Variants in IGF1R observed in about 807,000 individuals in gnomAD.
IGF1R encodes insulin like growth factor 1 receptor.
A neutral mutation model predicts 144.6 loss-of-function variants in IGF1R; 44 were observed. That is an observed-to-expected ratio of 0.30 (90% CI 0.24 to 0.39). The LOEUF (loss-of-function observed/expected upper bound fraction) is 0.39. IGF1R is among the 10% of genes least tolerant of loss of function. The probability of loss-of-function intolerance (pLI) is 1.00; values close to 1 mark genes in which losing one functional copy is unlikely to be tolerated. For synonymous variants in IGF1R, 795 were observed against 722.8 expected (o/e 1.10, Z -1.60); for missense variants, 1,355 against 1,833.7 (o/e 0.74, Z 4.77).
At chr15:98,906,721 G>A (rs887342500) in intron 5 of IGF1R, among the ~76,000 whole-genome samples, 2 of 152,258 alleles carry the variant, frequency 1.3e-5, no homozygotes, top group African/African-American at 2.4e-5. Context: ...CAGGATAGCT[G>A]TGTGTTCAGG....
rs374047790 is a variant in IGF1R at position 98,941,938 on chromosome 15, T to A, written c.3458-985T>A. ...TCAAAATCTGACAAAGCAGCAATAATTTAGGATTATAAAGCGAGCCTGCCA... is the reference window on the plus strand; with the variant it reads ...TCAAAATCTGACAAAGCAGCAATAAATTAGGATTATAAAGCGAGCCTGCCA... On this transcript the variant is annotated intron_variant, in intron 18 of 20. Coordinates refer to ENST00000650285, the MANE Select transcript of IGF1R (RefSeq NM_000875.5). 6.4e-4 allele frequency among the ~76,000 whole-genome samples: 97 copies of A among 152,260 alleles called. 1 individual carries two copies. The South Asian group carries it at 0.019, about 30-fold the overall frequency.
chr15:98,877,806 T>G (rs149540125), intron 2 of IGF1R, among the ~76,000 whole-genome samples: 24 of 152,348 alleles, frequency 1.6e-4, no homozygotes, highest in Admixed American at 3.3e-4. Context: ...TTATCACAGT[T>G]TCCTGGTAAA....
intron 5 of IGF1R, among the ~76,000 whole-genome samples, chr15:98,907,016 G>A (rs887281363): frequency 6.6e-6 from 1 of 152,196 alleles, no homozygotes. Context: ...ACTCCTTCTG[G>A]TCGTTCTTAA....
chr15:98,893,021 GA>G (rs1352811396), intron 3 of IGF1R, among the ~76,000 whole-genome samples: 1 of 152,140 alleles, frequency 6.6e-6, no homozygotes, highest in East Asian at 1.9e-4. Flanking sequence ...TCAAAAAAAA[GA>G]ACTTTTAGGA....
At chr15:98,873,346 T>C (rs1031491277) in intron 2 of IGF1R, among the ~76,000 whole-genome samples, 8 of 152,220 alleles carry the variant, frequency 5.3e-5, no homozygotes, top group Non-Finnish European at 2.9e-5. Flanking sequence ...AATAGATTTG[T>C]ATTTTTGATG....
In IGF1R at chr15:98,817,465, G is replaced by T. The variant is rs138185163; in HGVS notation, c.641-73860G>T. 7.4e-4 allele frequency among the ~76,000 whole-genome samples: 112 copies of T among 152,236 alleles called. 1 individual carries two copies. Among genetic ancestry groups the T allele is most frequent in the African/African-American group, 2.5e-3 (103 of 41,532 alleles). On this transcript the variant is annotated intron_variant, in intron 2 of 20. Transcript: ENST00000650285. ...ACAATGCAGGAGTGCTGGGTTGGGG[G>T]CCAGGTGTGGTTGAGGGGTGCTGTA...
At chr15:98,922,002 C>G in intron 10 of IGF1R, 146 bp from the exon 11 acceptor site, 1 of 776,086 alleles carries the variant, frequency 1.3e-6, no homozygotes, top group Non-Finnish European at 2.2e-6. Context: ...AAGGACATCC[C>G]TGTGTTATTC....
At chr15:98,686,438 G>A (rs2053330035) in intron 1 of IGF1R, among the ~76,000 whole-genome samples, 1 of 152,184 alleles carries the variant, frequency 6.6e-6, no homozygotes, top group African/African-American at 2.4e-5. Flanking sequence ...ACCCAGAAGT[G>A]GAATTGCTGG....
intron 1 of IGF1R, chr15:98,650,826 C>G (rs2052343607): frequency 2.4e-6 from 2 of 830,078 alleles, no homozygotes; most frequent in Non-Finnish European, 2.9e-6. Context: ...TAAGCAGTGT[C>G]GCTCCACATT....
At position 98,648,701 on chromosome 15, in the gene IGF1R, C is replaced by T. The variant is rs561346369; in HGVS notation, c.-881C>T. ...AGCGAGAGGGACGCCGCCAGCGAGCCTGCCCACGGCCGGCGCTCGCAGACC... is the reference window on the plus strand; with the variant it reads ...AGCGAGAGGGACGCCGCCAGCGAGCTTGCCCACGGCCGGCGCTCGCAGACC... On this transcript the variant is annotated 5_prime_UTR_variant, in exon 1 of 21. Coordinates refer to ENST00000650285, the MANE Select transcript of IGF1R (RefSeq NM_000875.5). Among the ~76,000 whole-genome samples, 31 of 147,386 alleles carry T rather than the reference C, an allele frequency of 2.1e-4. 1 individual carries two copies. The South Asian group carries it at 6.4e-3, about 31-fold the overall frequency.
intron 2 of IGF1R, among the ~76,000 whole-genome samples, chr15:98,833,303 G>A (rs2057034477): frequency 6.6e-6 from 1 of 152,212 alleles, no homozygotes. Context: ...TCAGTATTCT[G>A]TGGACTTTCC....
intron 1 of IGF1R, among the ~76,000 whole-genome samples, chr15:98,678,388 A>C (rs2053100637): frequency 6.6e-6 from 1 of 152,050 alleles, no homozygotes; most frequent in Non-Finnish European, 1.5e-5. Context: ...AAATGAATTA[A>C]TGACTTTTCC....
intron 2 of IGF1R, among the ~76,000 whole-genome samples, chr15:98,796,021 GTC>G (rs1447479183): frequency 4.6e-5 from 7 of 152,196 alleles, no homozygotes; most frequent in African/African-American, 1.7e-4. Flanking sequence ...GGTCCGTGCC[GTC>G]TCTGCCTGCT....
Position 98,929,448 on chromosome 15 carries a change from G to A in IGF1R, c.2783-110G>A. ...AGGAATTCTTACTGTATGATGGGGAGTAAACGAATATACAGGTATTTTTTT... is the reference window on the plus strand; with the variant it reads ...AGGAATTCTTACTGTATGATGGGGAATAAACGAATATACAGGTATTTTTTT... On this transcript the variant is annotated intron_variant, in intron 13 of 20. Transcript: ENST00000650285. 4 of 828,646 alleles carry A rather than the reference G, an allele frequency of 4.8e-6. No homozygotes were observed. In the South Asian group the frequency reaches 5.4e-5, roughly 11 times the overall value. 51.3% of individuals were successfully genotyped at this position (828,646 alleles called of 1,614,324 possible).
intron 1 of IGF1R, among the ~76,000 whole-genome samples, chr15:98,690,332 G>GGC (rs1555432213): frequency 6.6e-5 from 10 of 151,910 alleles, no homozygotes; most frequent in African/African-American, 2.4e-4. Context: ...GACAGAGCAA[G>GGC]ACTATCCCAA....
intron 17 of IGF1R, among the ~76,000 whole-genome samples, chr15:98,938,802 C>G (rs2016254580): frequency 6.6e-6 from 1 of 152,208 alleles, no homozygotes; most frequent in Non-Finnish European, 1.5e-5. Flanking sequence ...ACGTGCTCTC[C>G]TTCCTCTTAC....
At chr15:98,931,822 A>G (rs1267774312) in intron 15 of IGF1R, among the ~76,000 whole-genome samples, 1 of 152,202 alleles carries the variant, frequency 6.6e-6, no homozygotes, top group African/African-American at 2.4e-5. Context: ...CCACCACTGC[A>G]CTACAGCCTA....
intron 2 of IGF1R, among the ~76,000 whole-genome samples, chr15:98,771,470 T>G (rs1386812242): frequency 6.6e-6 from 1 of 152,196 alleles, no homozygotes; most frequent in Non-Finnish European, 1.5e-5. Flanking sequence ...TGTGGACGTA[T>G]TTGAGGAGGT....
intron 2 of IGF1R, among the ~76,000 whole-genome samples, chr15:98,888,416 G>A (rs1390375484): frequency 7.2e-6 from 1 of 138,028 alleles, no homozygotes. Context: ...CTTCAAGTGG[G>A]GGTTTGATGA....
Sources: allele counts gnomAD v4.1 joint callset (sites outside exome capture counted in the v4.1 genomes callset), GRCh38; gene constraint gnomAD v4.1.1; transcripts MANE v1.5; gene names NCBI Gene and HGNC (gene_info 2026-07-23, HGNC 2026-07-21).